The following DMD variants were observed in gnomAD, a reference collection of about 807,000 sequenced individuals.
The protein encoded by DMD is mutant dystrophin.
In DMD, 63 loss-of-function variants were observed where a neutral mutation model predicts 330.1. The observed-to-expected ratio is 0.19, with a 90% CI of 0.16 to 0.24. The LOEUF (loss-of-function observed/expected upper bound fraction) is 0.24. Among genes scored for constraint, DMD ranks in the 10% least tolerant of loss-of-function variants. The pLI, the probability that DMD is intolerant of heterozygous loss-of-function variation, is 1.00. For missense variants in DMD, 3,344 were observed against 2,684.1 expected, an observed-to-expected ratio of 1.25 and a Z score of -5.43; for synonymous variants, 1,223 against 959.8, an observed-to-expected ratio of 1.27 and a Z score of -5.07.
chrX:31,580,683 A>T (rs1222757215), intron 55 of DMD, among the ~76,000 whole-genome samples: 1 of 112,213 alleles, frequency 8.9e-6, no homozygotes, highest in Non-Finnish European at 1.9e-5. Context: ...CACTGTTACC[A>T]TCATATTGTT....
intron 1 of DMD, among the ~76,000 whole-genome samples, chrX:33,267,423 G>A (rs1422022751): frequency 9.0e-6 from 1 of 110,808 alleles, no homozygotes; most frequent in Admixed American, 9.6e-5. Context: ...TGGCTATACT[G>A]CACAAAACAA....
intron 51 of DMD, among the ~76,000 whole-genome samples, chrX:31,732,107 T>TA (rs2086551215): frequency 9.0e-6 from 1 of 111,385 alleles, no homozygotes; most frequent in Non-Finnish European, 1.9e-5. Flanking sequence ...CCTGAGAAGA[T>TA]TATTAATGAG....
intron 21 of DMD, among the ~76,000 whole-genome samples, chrX:32,481,303 G>T (rs965034198): frequency 6.3e-5 from 7 of 111,386 alleles, no homozygotes; most frequent in African/African-American, 1.6e-4. Flanking sequence ...GTAGTTTAAG[G>T]TTCAATGGAC....
chrX:31,933,699 C>T (rs1569516564), intron 45 of DMD, among the ~76,000 whole-genome samples: 1 of 111,918 alleles, frequency 8.9e-6, no homozygotes, highest in African/African-American at 3.2e-5. Flanking sequence ...CCTCTTATCC[C>T]TTTGCAGTCA....
At chrX:32,827,189 AAG>A (rs2078786179) in intron 4 of DMD, among the ~76,000 whole-genome samples, 1 of 109,675 alleles carries the variant, frequency 9.1e-6, no homozygotes, top group Non-Finnish European at 1.9e-5. Context: ...TGTCTCACGG[AAG>A]CCCAAGGGGT....
chrX:31,510,548 C>T (rs1321327596), intron 55 of DMD, among the ~76,000 whole-genome samples: 2 of 99,488 alleles, frequency 2.0e-5, no homozygotes, highest in Admixed American at 2.3e-4. Flanking sequence ...CGCTCTGTCA[C>T]CCAGGCTGGA....
intron 7 of DMD, among the ~76,000 whole-genome samples, chrX:32,705,746 T>C (rs1193171632): frequency 2.7e-5 from 3 of 111,980 alleles, no homozygotes; most frequent in Non-Finnish European, 3.8e-5. Context: ...TGGTATCTCA[T>C]TGTGGTTTTG....
At chrX:31,150,839 CTTTGT>C (rs1043649550) in intron 74 of DMD, among the ~76,000 whole-genome samples, 6 of 111,849 alleles carry the variant, frequency 5.4e-5, no homozygotes, top group African/African-American at 1.6e-4. Context: ...TGGTTTTTTT[CTTTGT>C]TTTGTTTTGC....
At chrX:32,956,024 T>G (rs957692819) in intron 2 of DMD, among the ~76,000 whole-genome samples, 6 of 111,755 alleles carry the variant, frequency 5.4e-5, no homozygotes, top group African/African-American at 1.9e-4. Context: ...CTACTTGGGC[T>G]CTTTTTTTTG....
At chrX:31,480,756 C>T (rs1351448582) in intron 57 of DMD, among the ~76,000 whole-genome samples, 1 of 111,119 alleles carries the variant, frequency 9.0e-6, no homozygotes, top group East Asian at 2.8e-4. Flanking sequence ...TATTGAACTA[C>T]CATGTGTCAG....
chrX:31,724,414 C>G (rs1276172474), intron 52 of DMD, among the ~76,000 whole-genome samples: 1 of 111,406 alleles, frequency 9.0e-6, no homozygotes, highest in Non-Finnish European at 1.9e-5. Flanking sequence ...TTTTTTTATT[C>G]TCATACAGAA....
intron 43 of DMD, among the ~76,000 whole-genome samples, chrX:32,254,272 C>T (rs1235211200): frequency 9.0e-6 from 1 of 111,321 alleles, no homozygotes; most frequent in Non-Finnish European, 1.9e-5. Flanking sequence ...TAACTCCTGG[C>T]CTCAAGTGAT....
chrX:31,694,649 TACAC>T (rs1556821033), intron 52 of DMD, among the ~76,000 whole-genome samples: 40 of 75,629 alleles, frequency 5.3e-4, no homozygotes, highest in African/African-American at 2.0e-3. Context: ...TATATATATA[TACAC>T]ACACATATAT....
intron 43 of DMD, among the ~76,000 whole-genome samples, chrX:32,279,329 C>A (rs2097403732): frequency 9.0e-6 from 1 of 111,518 alleles, no homozygotes; most frequent in Admixed American, 9.5e-5. Flanking sequence ...CCAAAGAAAG[C>A]AAATCAGTAT....
intron 34 of DMD, among the ~76,000 whole-genome samples, chrX:32,377,361 G>A (rs2097907551): frequency 8.9e-6 from 1 of 111,767 alleles, no homozygotes; most frequent in Non-Finnish European, 1.9e-5. Flanking sequence ...TACATTCACT[G>A]AGAGATTGAT....
chrX:32,525,766 A>C (rs2046881447), intron 17 of DMD, among the ~76,000 whole-genome samples: 1 of 111,491 alleles, frequency 9.0e-6, no homozygotes, highest in African/African-American at 3.3e-5. Flanking sequence ...TGCTTTGCAG[A>C]TGGCATTTTC....
intron 44 of DMD, among the ~76,000 whole-genome samples, chrX:32,181,999 A>G (rs1004354059): frequency 9.8e-5 from 11 of 112,215 alleles, no homozygotes; most frequent in African/African-American, 3.6e-4. Context: ...CCAGTTTCGC[A>G]TTTTAATCTT....
chrX:33,073,872 T>C (rs769113548), intron 1 of DMD, among the ~76,000 whole-genome samples: 51 of 102,369 alleles, frequency 5.0e-4, no homozygotes, highest in East Asian at 1.0e-3. Context: ...AATAAATAAA[T>C]AAACAGCTAA....
At chrX:33,180,094 C>T (rs1458849471) in intron 1 of DMD, among the ~76,000 whole-genome samples, 1 of 111,496 alleles carries the variant, frequency 9.0e-6, no homozygotes, top group Non-Finnish European at 1.9e-5. Context: ...CCTTGGCCTC[C>T]CAAAGTGCTG....
Sources: gnomAD v4.1 joint callset for allele counts (sites outside exome capture counted in the v4.1 genomes callset) on GRCh38, gnomAD v4.1.1 for gene constraint, MANE v1.5 for transcripts, NCBI Gene and HGNC (gene_info 2026-07-23, HGNC 2026-07-21) for gene names.